PPFIA2: variants seen among roughly 807,000 people sequenced by gnomAD.
PPFIA2 encodes the protein PPFI scaffold protein A2, also known as liprin-alpha-2.
Under a neutral mutation model 175.5 loss-of-function variants are expected in PPFIA2, and 46 were observed. The ratio of observed to expected loss-of-function variants is 0.26; its 90% CI spans 0.21 to 0.34. The LOEUF (loss-of-function observed/expected upper bound fraction) is 0.34. Among genes scored for constraint, PPFIA2 ranks in the 10% least tolerant of loss-of-function variants. The pLI is 1.00. For synonymous variants in PPFIA2, 568 were observed against 511.4 expected (o/e 1.11, Z -1.49); for missense variants, 1,179 against 1,506.1 (o/e 0.78, Z 3.60).
In PPFIA2 at chr12:81,263,376, G is replaced by A. The variant is rs756587018; in HGVS notation, c.3570C>T (p.Asn1190=). ...TTCTCCAGGTTGATCCACGTCTGAAGTTCTTGTCATCACTCTGCCAGTACA... is the reference window on the plus strand; with the variant it reads ...TTCTCCAGGTTGATCCACGTCTGAAATTCTTGTCATCACTCTGCCAGTACA... ...ERRLDESDDK[N]FRRGSTWRRQ... Residue 1190 remains asparagine (N), a synonymous_variant, in exon 31 of 33, where the codon AAC becomes AAT. Coordinates refer to ENST00000549396, the MANE Select transcript of PPFIA2 (RefSeq NM_003625.5). 6 of 1,613,136 alleles carry A rather than the reference G, an allele frequency of 3.7e-6. No individual in the cohort carries two copies. In the South Asian group the frequency reaches 6.6e-5, roughly 18 times the overall value.
rs578148580 is a variant in PPFIA2, at chr12:81,494,660, C to A, written c.304-36794G>T. Among the ~76,000 whole-genome samples, 20 of 152,106 alleles carry A rather than the reference C, an allele frequency of 1.3e-4. No homozygotes were observed. The East Asian group carries it at 3.9e-3, about 29-fold the overall frequency. On this transcript the variant is annotated intron_variant, in intron 4 of 32. Coordinates refer to ENST00000549396, the MANE Select transcript of PPFIA2 (RefSeq NM_003625.5). The stretch of plus-strand genomic sequence containing the variant: ...ACATGCACATTTATGTTTATTGCAG[C>A]ATTATTCACAATAGCAAAGACTTGG...
chr12:81,316,934 C>T (rs1035524280), intron 22 of PPFIA2, among the ~76,000 whole-genome samples: 3 of 151,526 alleles, frequency 2.0e-5, no homozygotes, highest in African/African-American at 7.3e-5. Context: ...TGGAGATCTA[C>T]ATTTTTGTAT....
chr12:81,647,040 A>C (rs1810546418), intron 4 of PPFIA2, among the ~76,000 whole-genome samples: 1 of 123,798 alleles, frequency 8.1e-6, no homozygotes, highest in African/African-American at 3.3e-5. Context: ...ATTATGGATA[A>C]TTTGAAGGAA....
chr12:81,497,815 A>G (rs2060192776), intron 4 of PPFIA2, among the ~76,000 whole-genome samples: 1 of 152,138 alleles, frequency 6.6e-6, no homozygotes, highest in South Asian at 2.1e-4. Context: ...CTGGGATTAC[A>G]GGCATGAGCC....
chr12:81,716,208 C>T (rs959296759), intron 3 of PPFIA2, among the ~76,000 whole-genome samples: 23 of 151,466 alleles, frequency 1.5e-4, no homozygotes, highest in Admixed American at 6.6e-4. Context: ...AAAGTTTGTT[C>T]TAGAATGTGA....
At chr12:81,598,098 A>G (rs2059434921) in intron 4 of PPFIA2, 1 of 1,531,492 alleles carries the variant, frequency 6.5e-7, no homozygotes, top group Non-Finnish European at 8.7e-7. Flanking sequence ...CTTAGCGTAC[A>G]GATAAATCCG....
At chr12:81,744,352 T>C (rs1172527145) in intron 3 of PPFIA2, among the ~76,000 whole-genome samples, 3 of 152,088 alleles carry the variant, frequency 2.0e-5, no homozygotes, top group Non-Finnish European at 2.9e-5. Context: ...ATTTCAAATT[T>C]CATTAATAAT....
chr12:81,374,799 A>G (rs761817979), intron 10 of PPFIA2, 31 bp from the exon 11 acceptor site: 3 of 1,594,328 alleles, frequency 1.9e-6, no homozygotes, highest in Non-Finnish European at 2.6e-6. Context: ...GAGACACTTA[A>G]AGAGTCAGAG....
At chr12:81,464,909 C>A (rs1046226283) in intron 4 of PPFIA2, among the ~76,000 whole-genome samples, 2 of 150,370 alleles carry the variant, frequency 1.3e-5, no homozygotes, top group Non-Finnish European at 3.0e-5. Flanking sequence ...CTTCTAACTT[C>A]CCTGACTCAT....
chr12:81,396,986 A>G (rs1029307015), intron 8 of PPFIA2, among the ~76,000 whole-genome samples: 4 of 152,028 alleles, frequency 2.6e-5, no homozygotes, highest in African/African-American at 9.7e-5. Flanking sequence ...AGCAACTGGA[A>G]AGGCAAAGTT....
At chr12:81,282,601 C>T (rs2042323196) in intron 26 of PPFIA2, 1 of 153,744 alleles carries the variant, frequency 6.5e-6, no homozygotes, top group South Asian at 2.0e-4. Context: ...CTTGCTCCTC[C>T]AACCTCTCTT....
Position 81,651,464 on chromosome 12 carries a change from C to A in PPFIA2, c.303+25327G>T, listed in dbSNP as rs555959035. Among the ~76,000 whole-genome samples the A allele has an allele frequency of 4.6e-5, 7 of 152,208 alleles. No individual in the cohort carries two copies. The South Asian group carries it at 1.5e-3, about 32-fold the overall frequency. ...ATGTATCTGTATTGTATTACACTTA[C>A]ATGACCAAAACTTAAACATGCTATT... On this transcript the variant is annotated intron_variant, in intron 4 of 32. Transcript: ENST00000549396.
intron 4 of PPFIA2, among the ~76,000 whole-genome samples, chr12:81,489,616 AAT>A (rs2059211856): frequency 6.6e-6 from 1 of 151,918 alleles, no homozygotes; most frequent in Non-Finnish European, 1.5e-5. Context: ...ATCTTTGAGA[AAT>A]GTTTCATTTT....
intron 4 of PPFIA2, among the ~76,000 whole-genome samples, chr12:81,538,593 C>T (rs962156301): frequency 6.6e-6 from 1 of 151,868 alleles, no homozygotes; most frequent in South Asian, 2.1e-4. Context: ...AGAGAAGATG[C>T]TATTTCAACA....
At chr12:81,538,907 G>A (rs1415939914) in intron 4 of PPFIA2, among the ~76,000 whole-genome samples, 1 of 151,880 alleles carries the variant, frequency 6.6e-6, no homozygotes, top group African/African-American at 2.4e-5. Context: ...CTGCTGTGTT[G>A]AGAACAGACC....
chr12:81,363,291 A>G (rs1455516724), intron 14 of PPFIA2, among the ~76,000 whole-genome samples: 1 of 151,198 alleles, frequency 6.6e-6, no homozygotes, highest in Non-Finnish European at 1.5e-5. Flanking sequence ...TAATTAATTA[A>G]TTAATTTATT....
At position 81,281,364 on chromosome 12, in the gene PPFIA2, A is replaced by G. The variant is rs773004779; in HGVS notation, c.3105T>C (p.Pro1035=). Reference sequence around the variant, plus strand: ...ATTCCATAAAGTAACTTCTGTACTGAGGTAACCCCAAGCTGGGAAGCCATT... The same window carrying G: ...ATTCCATAAAGTAACTTCTGTACTGGGGTAACCCCAAGCTGGGAAGCCATT... ...GNEWLPSLGL[P]QYRSYFMECL... The change falls in exon 27 of 33, where the codon CCT becomes CCC. Residue 1035 remains proline, a synonymous_variant. Coordinates refer to ENST00000549396, the MANE Select transcript of PPFIA2 (RefSeq NM_003625.5). 6.8e-6 allele frequency: 11 copies of G among 1,610,500 alleles called. No individual in the cohort carries two copies. In the Middle Eastern group the frequency reaches 1.2e-3, roughly 169 times the overall value.
At chr12:81,737,012 G>A (rs1163660223) in intron 3 of PPFIA2, among the ~76,000 whole-genome samples, 1 of 151,872 alleles carries the variant, frequency 6.6e-6, no homozygotes, top group Non-Finnish European at 1.5e-5. Context: ...CTTCTTCCAG[G>A]AATGGCAGAC....
At chr12:81,631,592 C>A (rs970135959) in intron 4 of PPFIA2, among the ~76,000 whole-genome samples, 3 of 152,086 alleles carry the variant, frequency 2.0e-5, no homozygotes, top group Admixed American at 2.0e-4. Flanking sequence ...TCTATTAAAA[C>A]ATTTCTTCTG....
Sources: gnomAD v4.1 joint callset for allele counts (sites outside exome capture counted in the v4.1 genomes callset) on GRCh38, gnomAD v4.1.1 for gene constraint, MANE v1.5 for transcripts, NCBI Gene and HGNC (gene_info 2026-07-23, HGNC 2026-07-21) for gene names.